Variants in MRTFB observed in about 807,000 individuals in gnomAD.
MRTFB encodes myocardin related transcription factor B.
Under a neutral mutation model 104.2 loss-of-function variants are expected in MRTFB, and 29 were observed. That is an observed-to-expected ratio of 0.28 (90% CI 0.21 to 0.38). MRTFB has a LOEUF of 0.38. MRTFB is among the 10% of genes least tolerant of loss of function. The probability of loss-of-function intolerance (pLI) is 1.00; values close to 1 mark genes in which losing one functional copy is unlikely to be tolerated. For missense variants in MRTFB, 1,270 were observed against 1,341.6 expected (o/e 0.95, Z 0.83); for synonymous variants, 535 against 519.5 (o/e 1.03, Z -0.41).
chr16:14,085,289 C>G (rs1236322786), intron 2 of MRTFB, among the ~76,000 whole-genome samples: 4 of 151,870 alleles, frequency 2.6e-5, no homozygotes, highest in Admixed American at 2.6e-4. Context: ...AACCCTGTCT[C>G]TACTAAAAAT....
At chr16:14,154,387 T>C (rs1164201902) in intron 3 of MRTFB, among the ~76,000 whole-genome samples, 1 of 152,128 alleles carries the variant, frequency 6.6e-6, no homozygotes, top group African/African-American at 2.4e-5. Flanking sequence ...AAAGTAGAAA[T>C]TAAAAAAGAA....
At position 14,260,938 on chromosome 16, in the gene MRTFB, T is replaced by C; in HGVS notation, c.2794T>C (p.Ser932Pro). The change falls in exon 17 of 17, where the codon TCT becomes CCT. Residue 932 changes from serine to proline, a missense_variant. This residue lies in a region of MRTFB where 1,144 missense variants were observed against 1,131.5 expected (regional missense o/e 1.01). Coordinates refer to ENST00000571589, the MANE Select transcript of MRTFB (RefSeq NM_001308142.2). The stretch of plus-strand genomic sequence containing the variant: ...CTCCCTCCCCATAAAAGAAGAACCT[T>C]CTCCTATTTCCAAAATGAGACCAGT... ...EISLPIKEEP[S>P]PISKMRPVTA... 1 of 1,611,256 alleles carries C rather than the reference T, an allele frequency of 6.2e-7. No individual in the cohort carries two copies. Among genetic ancestry groups the C allele is most frequent in the South Asian group, 1.1e-5 (1 of 90,734 alleles).
At chr16:14,137,885 T>C (rs1243202545) in intron 2 of MRTFB, among the ~76,000 whole-genome samples, 1 of 152,112 alleles carries the variant, frequency 6.6e-6, no homozygotes, top group Non-Finnish European at 1.5e-5. Context: ...TTACATTTAA[T>C]GTAATTATTG....
At chr16:14,106,796 G>A (rs987262132) in intron 2 of MRTFB, among the ~76,000 whole-genome samples, 2 of 152,196 alleles carry the variant, frequency 1.3e-5, no homozygotes, top group East Asian at 1.9e-4. Context: ...TCAGCATTGG[G>A]CTGGGACTCA....
At chr16:14,089,884 A>G (rs899880487) in intron 2 of MRTFB, among the ~76,000 whole-genome samples, 1 of 152,212 alleles carries the variant, frequency 6.6e-6, no homozygotes, top group Non-Finnish European at 1.5e-5. Flanking sequence ...CCTAATCACT[A>G]ATGATATTGA....
chr16:14,161,537 T>A (rs150053842), intron 3 of MRTFB, among the ~76,000 whole-genome samples: 3 of 152,144 alleles, frequency 2.0e-5, no homozygotes, highest in Non-Finnish European at 4.4e-5. Context: ...TGGGCAAAAA[T>A]TTTTTAAATA....
chr16:14,077,056 T>G (rs1490099866), intron 1 of MRTFB, among the ~76,000 whole-genome samples: 1 of 152,256 alleles, frequency 6.6e-6, no homozygotes, highest in African/African-American at 2.4e-5. Flanking sequence ...TTCCCTCAAC[T>G]TGTCACTTGT....
chr16:14,063,792 C>G, the MRTFB span, among the ~76,000 whole-genome samples: 1 of 152,204 alleles, frequency 6.6e-6, no homozygotes, highest in South Asian at 2.1e-4. Context: ...GTCCATGCTG[C>G]AAAGGACATG....
intron 3 of MRTFB, among the ~76,000 whole-genome samples, chr16:14,163,793 A>G (rs910411614): frequency 6.6e-6 from 1 of 150,970 alleles, no homozygotes; most frequent in Non-Finnish European, 1.5e-5. Context: ...AGATCATGCC[A>G]TTGCACTCCA....
chr16:14,153,057 C>T (rs2038694307), intron 3 of MRTFB: 1 of 151,898 alleles, frequency 6.6e-6, no homozygotes, highest in South Asian at 2.1e-4. Context: ...TTCTAATAAC[C>T]TGTCATAAAC....
intron 4 of MRTFB, 71 bp downstream of exon 4, chr16:14,210,379 A>G (rs1220460013): frequency 1.2e-5 from 14 of 1,174,882 alleles, no homozygotes; most frequent in African/African-American, 4.6e-5. Flanking sequence ...AAGAGCCTGC[A>G]TCTTGCTCTG....
chr16:14,153,076 T>A (rs1471930834), intron 3 of MRTFB: 1 of 152,102 alleles, frequency 6.6e-6, no homozygotes. Flanking sequence ...ACCTAGCATA[T>A]TTTAGGTCTC....
chr16:14,067,643 T>A (rs2033537772), upstream of MRTFB, among the ~76,000 whole-genome samples: 1 of 152,176 alleles, frequency 6.6e-6, no homozygotes, highest in African/African-American at 2.4e-5. Context: ...TGGGTGGCTT[T>A]TCCTATAAAA....
intron 3 of MRTFB, among the ~76,000 whole-genome samples, chr16:14,195,111 G>A (rs1385132684): frequency 9.9e-5 from 15 of 152,040 alleles, no homozygotes; most frequent in East Asian, 1.9e-4. Context: ...CCTTTTTCTC[G>A]TTTATTTGAA....
chr16:14,075,693 C>G (rs892043375), intron 1 of MRTFB, among the ~76,000 whole-genome samples: 9 of 152,206 alleles, frequency 5.9e-5, no homozygotes, highest in African/African-American at 2.2e-4. Context: ...GTTCTCTCTT[C>G]TAATTCCTCA....
At chr16:14,105,911 G>C (rs997194298) in intron 2 of MRTFB, among the ~76,000 whole-genome samples, 2 of 152,222 alleles carry the variant, frequency 1.3e-5, no homozygotes, top group Non-Finnish European at 2.9e-5. Flanking sequence ...CCTTAAGGTA[G>C]AGCTTGCCTT....
intron 3 of MRTFB, among the ~76,000 whole-genome samples, chr16:14,209,180 AAGG>A (rs1486909038): frequency 6.6e-6 from 1 of 152,218 alleles, no homozygotes; most frequent in Non-Finnish European, 1.5e-5. Context: ...GTTTTATTGC[AAGG>A]AGGAGACACC....
chr16:14,211,453 G>A (rs919314791), intron 4 of MRTFB, among the ~76,000 whole-genome samples: 2 of 152,138 alleles, frequency 1.3e-5, no homozygotes, highest in African/African-American at 4.8e-5. Flanking sequence ...AAATAATGCT[G>A]TAAGAGCTGA....
At chr16:14,156,883 T>G (rs1156954546) in intron 3 of MRTFB, among the ~76,000 whole-genome samples, 1 of 152,028 alleles carries the variant, frequency 6.6e-6, no homozygotes, top group Non-Finnish European at 1.5e-5. Flanking sequence ...TAGGTTATAG[T>G]AAGAAAAAAA....
Sources: gnomAD v4.1 joint callset for allele counts (sites outside exome capture counted in the v4.1 genomes callset) on GRCh38, gnomAD v4.1.1 for gene constraint, gnomAD v4.1.1 regional missense constraint, MANE v1.5 for transcripts, NCBI Gene and HGNC (gene_info 2026-07-23, HGNC 2026-07-21) for gene names.